Variants in LAMA2 observed in about 807,000 individuals in gnomAD.
The protein encoded by LAMA2 is laminin subunit alpha 2.
In LAMA2, 269 loss-of-function variants were observed where a neutral mutation model predicts 364.8. That is an observed-to-expected ratio of 0.74 (90% CI 0.67 to 0.82). The LOEUF is 0.82. Ranked by LOEUF, LAMA2 falls within the 40% of genes least tolerant of loss-of-function variation. LAMA2 has a pLI of 0.00. For missense variants in LAMA2, 3,807 were observed against 3,873.2 expected (o/e 0.98, Z 0.45); for synonymous variants, 1,379 against 1,370.6 (o/e 1.01, Z -0.14).
At chr6:128,953,814 A>G (rs1476881997) in intron 1 of LAMA2, among the ~76,000 whole-genome samples, 2 of 152,062 alleles carry the variant, frequency 1.3e-5, no homozygotes, top group Non-Finnish European at 2.9e-5. Flanking sequence ...TTCCCCCTAT[A>G]CTGAGGGCAA....
intron 62 of LAMA2, 118 bp from the exon 63 acceptor site, chr6:129,512,245 C>G: frequency 1.0e-6 from 1 of 964,106 alleles, no homozygotes; most frequent in Admixed American, 2.1e-5. Flanking sequence ...ACTTATAGCC[C>G]TCATTAGAAT....
chr6:129,353,955 G>A (rs1408060660), intron 32 of LAMA2, among the ~76,000 whole-genome samples: 2 of 152,254 alleles, frequency 1.3e-5, no homozygotes, highest in South Asian at 2.1e-4. Context: ...TTCTGGATTC[G>A]CTAGTGCCAT....
intron 8 of LAMA2, chr6:129,158,568 C>T: frequency 6.2e-7 from 1 of 1,614,054 alleles, no homozygotes; most frequent in Non-Finnish European, 8.5e-7. Flanking sequence ...ACGACGTCTG[C>T]TTGAGATGCT....
chr6:129,506,001 A>G (rs1398416266), intron 61 of LAMA2, among the ~76,000 whole-genome samples: 1 of 152,214 alleles, frequency 6.6e-6, no homozygotes, highest in Admixed American at 6.5e-5. Flanking sequence ...TTTGCAAAAC[A>G]GGGTAATGAT....
chr6:129,287,097 A>G (rs2326797), intron 18 of LAMA2, among the ~76,000 whole-genome samples: 13 of 2,190 alleles, frequency 5.9e-3, no homozygotes, highest in Middle Eastern at 0.12. Context: ...GAAGGAGGGA[A>G]GGAGGGAGGA....
Position 129,252,235 on chromosome 6 carries a change from C to T in LAMA2, c.2036C>T (p.Ala679Val), listed in dbSNP as rs569768441. 1.9e-6 allele frequency: 3 copies of T among 1,613,852 alleles called. No individual in the cohort carries two copies. The highest frequency in any genetic ancestry group is 1.3e-5 in the African/African-American group (1 of 74,884). Residue 679 changes from alanine to valine, a missense_variant, in exon 14 of 65, where the codon GCG becomes GTG. Coordinates refer to ENST00000421865, the MANE Select transcript of LAMA2 (RefSeq NM_000426.4). ...AGAAAGGAATTTATGACAGTGCTTG[C>T]GAATTTGAAGAGAGTCCTCCTACAA... ...VRRKEFMTVL[A>V]NLKRVLLQIT...
chr6:129,291,735 C>G lies in LAMA2; in HGVS notation c.2856+15C>G, dbSNP rs1223721030. 6.5e-7 allele frequency: 1 copy of G among 1,547,442 alleles called. No homozygotes were observed. Among genetic ancestry groups the G allele is most frequent in the African/African-American group, 1.4e-5 (1 of 73,548 alleles). ...ACAAATGCAAGGTAAGGAGTAGAGG[C>G]TGACCCATAAATTACTTTCTCCTTA... is the stretch of plus-strand genomic sequence containing the variant. On this transcript the variant is annotated intron_variant, in intron 20 of 64. Transcript: ENST00000421865.
At chr6:129,113,161 A>G (rs542981258) in intron 4 of LAMA2, among the ~76,000 whole-genome samples, 1 of 152,180 alleles carries the variant, frequency 6.6e-6, no homozygotes, top group South Asian at 2.1e-4. Flanking sequence ...GTTTTCCAAC[A>G]ATGTTTACAT....
chr6:129,177,617 G>A lies in LAMA2; in HGVS notation c.1307-89G>A, dbSNP rs1033585570. The A allele has an allele frequency of 1.7e-5, 22 of 1,306,194 alleles. No individual in the cohort carries two copies. The South Asian group carries it at 2.2e-4, about 13-fold the overall frequency. 80.9% of individuals were successfully genotyped at this position (1,306,194 alleles called of 1,614,324 possible). On this transcript the variant is annotated intron_variant, in intron 9 of 64. Coordinates refer to ENST00000421865, the MANE Select transcript of LAMA2 (RefSeq NM_000426.4). ...AAAAATCTATTTTTGTGTCAAAATAGCATTTTAAAGGTTACTGTCATTAAA... is the reference window on the plus strand; with the variant it reads ...AAAAATCTATTTTTGTGTCAAAATAACATTTTAAAGGTTACTGTCATTAAA...
At chr6:129,099,125 G>GTTTTTTTTTTTTTTT (rs370334822) in intron 4 of LAMA2, among the ~76,000 whole-genome samples, 2 of 129,802 alleles carry the variant, frequency 1.5e-5, no homozygotes, top group African/African-American at 2.9e-5. Flanking sequence ...TTTTTTTTTT[G>GTTTTTTTTTTTTTTT]TTTTTTTTTT....
At chr6:128,965,915 C>G (rs1157340593) in intron 1 of LAMA2, among the ~76,000 whole-genome samples, 1 of 150,150 alleles carries the variant, frequency 6.7e-6, no homozygotes, top group South Asian at 2.1e-4. Context: ...ACTCTTTGTC[C>G]CATAGTTTCT....
intron 1 of LAMA2, chr6:128,929,653 C>G (rs1779328806): frequency 7.0e-7 from 1 of 1,428,394 alleles, no homozygotes; most frequent in African/African-American, 1.4e-5. Context: ...GTGATGCGGT[C>G]TCGGTTTGTC....
intron 8 of LAMA2, among the ~76,000 whole-genome samples, chr6:129,155,363 G>A (rs1779048379): frequency 6.6e-6 from 1 of 152,020 alleles, no homozygotes; most frequent in African/African-American, 2.4e-5. Flanking sequence ...AAAGTTATAT[G>A]AGTTTCAGTC....
intron 56 of LAMA2, among the ~76,000 whole-genome samples, chr6:129,489,430 G>A (rs1046812021): frequency 6.6e-6 from 1 of 152,088 alleles, no homozygotes; most frequent in Non-Finnish European, 1.5e-5. Context: ...AGTGACCTCT[G>A]CCTCCTATAT....
chr6:129,413,375 G>C (rs1780631983), intron 40 of LAMA2, among the ~76,000 whole-genome samples: 1 of 151,996 alleles, frequency 6.6e-6, no homozygotes, highest in African/African-American at 2.4e-5. Flanking sequence ...CTCTTAAAAA[G>C]TGATAGATCA....
intron 41 of LAMA2, among the ~76,000 whole-genome samples, chr6:129,436,634 T>G (rs1208753175): frequency 6.6e-6 from 1 of 152,116 alleles, no homozygotes; most frequent in East Asian, 1.9e-4. Context: ...TCTAATAAAC[T>G]TATTAACTTG....
At chr6:129,245,756 T>C (rs1293474375) in intron 12 of LAMA2, among the ~76,000 whole-genome samples, 1 of 152,174 alleles carries the variant, frequency 6.6e-6, no homozygotes, top group African/African-American at 2.4e-5. Flanking sequence ...GTTTTTTCTT[T>C]AGTCTTCTTA....
At chr6:129,139,778 C>T (rs1201876299) in intron 4 of LAMA2, among the ~76,000 whole-genome samples, 1 of 152,076 alleles carries the variant, frequency 6.6e-6, no homozygotes, top group Non-Finnish European at 1.5e-5. Flanking sequence ...ATTCTTTGTC[C>T]ATATCTGTAC....
chr6:129,389,003 A>G (rs991333123), intron 35 of LAMA2, among the ~76,000 whole-genome samples: 2 of 152,204 alleles, frequency 1.3e-5, no homozygotes, highest in African/African-American at 2.4e-5. Flanking sequence ...GGGAGCTTTC[A>G]AACTAATCAG....
Sources: allele counts gnomAD v4.1 joint callset (sites outside exome capture counted in the v4.1 genomes callset), GRCh38; gene constraint gnomAD v4.1.1; transcripts MANE v1.5; gene names NCBI Gene and HGNC (gene_info 2026-07-23, HGNC 2026-07-21).